Variants in C9orf72 observed in about 807,000 individuals in gnomAD.
C9orf72 encodes C9orf72-SMCR8 complex subunit.
A neutral mutation model predicts 51.6 loss-of-function variants in C9orf72; 44 were observed. The ratio of observed to expected loss-of-function variants is 0.85; its 90% CI spans 0.67 to 1.10. The LOEUF (loss-of-function observed/expected upper bound fraction) is 1.10. C9orf72 is among the 50% of genes least tolerant of loss of function. The pLI is 0.00. For synonymous variants in C9orf72, 213 were observed against 194.2 expected (o/e 1.10, Z -0.81); for missense variants, 607 against 570.6 (o/e 1.06, Z -0.65).
chr9:27,550,349 C>T (rs200965754), intron 9 of C9orf72, among the ~76,000 whole-genome samples: 1 of 151,754 alleles, frequency 6.6e-6, no homozygotes, highest in Non-Finnish European at 1.5e-5. Flanking sequence ...TTGTGGTCAA[C>T]TTTATATCTT....
chr9:27,556,700 T>C lies in C9orf72; in HGVS notation c.952A>G (p.Met318Val), dbSNP rs754395436. Residue 318 changes from methionine to valine, a missense_variant, in exon 8 of 11, where the codon ATG (methionine) becomes GTG (valine). By Grantham distance (21) the Met-to-Val change is conservative. Coordinates refer to ENST00000380003, the MANE Select transcript of C9orf72 (RefSeq NM_018325.5). ...TAAATATGTTCATGACAGGGTGGCA[T>C]CTGCTTCACAGTATTGACATCCACA... ...IDVDVNTVKQ[M>V]PPCHEHIYNQ... 37 of 1,613,874 alleles carry C rather than the reference T, an allele frequency of 2.3e-5. No individual in the cohort carries two copies. The highest frequency in any genetic ancestry group is 5.0e-5 in the Admixed American group (3 of 59,980).
At chr9:27,572,192 T>G (rs1819601302) in intron 1 of C9orf72, among the ~76,000 whole-genome samples, 1 of 152,238 alleles carries the variant, frequency 6.6e-6, no homozygotes, top group African/African-American at 2.4e-5. Flanking sequence ...AATGCTGGCT[T>G]AGTGAACAAT....
chr9:27,548,038 A>C lies in C9orf72; in HGVS notation c.*198T>G. The C allele has an allele frequency of 2.5e-6, 1 of 406,664 alleles. No individual in the cohort carries two copies. The highest frequency in any genetic ancestry group is 4.4e-6 in the Non-Finnish European group (1 of 229,802). 25.2% of individuals were successfully genotyped at this position (406,664 alleles called of 1,614,324 possible). A position where few individuals can be genotyped will look rare whatever the true frequency, so the allele number is the denominator to read the frequency against. On this transcript the variant is annotated 3_prime_UTR_variant, in exon 11 of 11. Coordinates refer to ENST00000380003, the MANE Select transcript of C9orf72 (RefSeq NM_018325.5). Reference sequence around the variant, plus strand: ...GTCTGTATCCCAAAAGCATAAATCTAGGAAAAGAGACACCCAATGTAATGA... The same window carrying C: ...GTCTGTATCCCAAAAGCATAAATCTCGGAAAAGAGACACCCAATGTAATGA...
rs1385898518 is a variant in C9orf72 at position 27,548,590 on chromosome 9, G to A, written c.1226C>T (p.Ala409Val). 3.7e-6 allele frequency: 6 copies of A among 1,609,950 alleles called. No individual in the cohort carries two copies. The highest frequency in any genetic ancestry group is 4.5e-5 in the East Asian group (2 of 44,848). The change falls in exon 10 of 11, where the codon GCC becomes GTC. Residue 409 changes from alanine (A) to valine (V), a missense_variant. Ala to Val is a moderately conservative substitution (Grantham distance 64, BLOSUM62 0). Coordinates refer to ENST00000380003, the MANE Select transcript of C9orf72 (RefSeq NM_018325.5). ...TTCTATATATTTTATTAGTGTCAAG[G>A]CTTTTCTGTGAAGGACAAGTAGAAA... ...AQFLLVLHRK[A>V]LTLIKYIEDD...
At chr9:27,559,821 G>C (rs972206042) in intron 6 of C9orf72, 1 of 153,960 alleles carries the variant, frequency 6.5e-6, no homozygotes, top group Non-Finnish European at 1.4e-5. Context: ...AGAAGGGACA[G>C]ATTTAGAAGG....
intron 1 of C9orf72, among the ~76,000 whole-genome samples, chr9:27,569,521 G>C (rs1364079400): frequency 6.6e-6 from 1 of 152,148 alleles, no homozygotes; most frequent in Admixed American, 6.5e-5. Flanking sequence ...ATAGTATTCA[G>C]TACAGTAACA....
chr9:27,567,611 T>C (rs1433304984), intron 1 of C9orf72, among the ~76,000 whole-genome samples: 1 of 152,040 alleles, frequency 6.6e-6, no homozygotes, highest in African/African-American at 2.4e-5. Context: ...CACTTGTGGG[T>C]TGAATTGTGT....
intron 8 of C9orf72, among the ~76,000 whole-genome samples, chr9:27,551,488 A>T (rs1820907988): frequency 6.6e-6 from 1 of 152,170 alleles, no homozygotes; most frequent in Non-Finnish European, 1.5e-5. Flanking sequence ...ACATTTAGTA[A>T]GAGGAGGAGT....
chr9:27,570,751 C>T (rs952044831), intron 1 of C9orf72, among the ~76,000 whole-genome samples: 1 of 152,026 alleles, frequency 6.6e-6, no homozygotes, highest in Non-Finnish European at 1.5e-5. Context: ...CCTGTAATCC[C>T]AGCTACTCGG....
intron 1 of C9orf72, among the ~76,000 whole-genome samples, chr9:27,570,640 T>C (rs1024313462): frequency 2.0e-5 from 3 of 151,422 alleles, no homozygotes; most frequent in African/African-American, 7.3e-5. Context: ...CCGAGGCAGG[T>C]GGATCACCTG....
Position 27,548,333 on chromosome 9 carries a change from G to C in C9orf72, c.1349C>G (p.Ala450Gly), listed in dbSNP as rs1223003458. ...GCCTGGTTTAATTTTCTCAGCCAGAGCCATTATTATGTTAAGATCGCCCTC... is the reference window on the plus strand; with the variant it reads ...GCCTGGTTTAATTTTCTCAGCCAGACCCATTATTATGTTAAGATCGCCCTC... Reference protein sequence around the residue: ...TAEGDLNIIMALAEKIKPGLH... With the variant: ...TAEGDLNIIMGLAEKIKPGLH... Residue 450 changes from alanine (A) to glycine (G), a missense_variant, in exon 11 of 11, where the codon GCT (alanine) becomes GGT (glycine). Physicochemically the swap from Ala to Gly is moderately conservative, Grantham distance 60. Coordinates refer to ENST00000380003, the MANE Select transcript of C9orf72 (RefSeq NM_018325.5). 1 of 1,606,198 alleles carries C rather than the reference G, an allele frequency of 6.2e-7. No individual in the cohort carries two copies. Among genetic ancestry groups the C allele is most frequent in the East Asian group, 2.2e-5 (1 of 44,574 alleles).
rs71492751 is a variant in C9orf72 at position 27,552,515 on chromosome 9, A to ATT, written c.1092-1810_1092-1809dup. Among the ~76,000 whole-genome samples, 550 of 105,604 alleles carry ATT rather than the reference A, an allele frequency of 5.2e-3. 21 individuals are homozygous for ATT. Among genetic ancestry groups the ATT allele is most frequent in the South Asian group, 0.019 (58 of 3,028 alleles). 69.3% of individuals were successfully genotyped at this position (105,604 alleles called of 152,430 possible). A position where few individuals can be genotyped will look rare whatever the true frequency, so the allele number is the denominator to read the frequency against. Reference sequence around the variant, plus strand: ...AGGTGCATGTCACCATACCAAGCTAATTTTTTTTTTTTTTTTTTTTTGTAG... The same window carrying ATT: ...AGGTGCATGTCACCATACCAAGCTAATTTTTTTTTTTTTTTTTTTTTTTGTAG... On this transcript the variant is annotated intron_variant, in intron 8 of 10. Coordinates refer to ENST00000380003, the MANE Select transcript of C9orf72 (RefSeq NM_018325.5).
rs536173666 is a variant in C9orf72, at chr9:27,567,604, T to G, written c.-44-440A>C. On this transcript the variant is annotated intron_variant, in intron 1 of 10. Coordinates refer to ENST00000380003, the MANE Select transcript of C9orf72 (RefSeq NM_018325.5). Reference sequence around the variant, plus strand: ...GAAAGGCTCAGCTAGAGACTGACACTTGTGGGTTGAATTGTGTCCCCCAAA... The same window carrying G: ...GAAAGGCTCAGCTAGAGACTGACACGTGTGGGTTGAATTGTGTCCCCCAAA... 5.0e-4 allele frequency among the ~76,000 whole-genome samples: 76 copies of G among 152,266 alleles called. 1 individual carries two copies. The highest frequency in any genetic ancestry group is 1.8e-3 in the African/African-American group (76 of 41,570).
At position 27,548,024 on chromosome 9, in the gene C9orf72, A is replaced by C. The variant is rs965243243; in HGVS notation, c.*212T>G. On this transcript the variant is annotated 3_prime_UTR_variant, in exon 11 of 11. Transcript: ENST00000380003. ...TATTGTAAACATAGGTCTGTATCCC[A>C]AAAGCATAAATCTAGGAAAAGAGAC... 1 of 388,298 alleles carries C rather than the reference A, an allele frequency of 2.6e-6. No individual in the cohort carries two copies. The highest frequency in any genetic ancestry group is 4.6e-6 in the Non-Finnish European group (1 of 218,626). 24.1% of individuals were successfully genotyped at this position (388,298 alleles called of 1,614,324 possible).
intron 9 of C9orf72, among the ~76,000 whole-genome samples, chr9:27,550,397 A>G (rs1820882497): frequency 6.6e-6 from 1 of 152,076 alleles, no homozygotes; most frequent in Non-Finnish European, 1.5e-5. Context: ...AATATTTATT[A>G]TATTGTAAAC....
intron 6 of C9orf72, chr9:27,559,532 T>C (rs958763440): frequency 6.6e-6 from 1 of 152,124 alleles, no homozygotes; most frequent in Non-Finnish European, 1.5e-5. Flanking sequence ...AAATTATGAA[T>C]ATCTTTGTAA....
chr9:27,551,015 T>G (rs1376209811), intron 8 of C9orf72, among the ~76,000 whole-genome samples: 3 of 152,042 alleles, frequency 2.0e-5, no homozygotes, highest in Non-Finnish European at 4.4e-5. Flanking sequence ...ATTTTACTAC[T>G]CTCATCTTTT....
intron 9 of C9orf72, among the ~76,000 whole-genome samples, chr9:27,549,772 T>A (rs1820868069): frequency 8.4e-6 from 1 of 119,424 alleles, no homozygotes; most frequent in African/African-American, 2.9e-5. Context: ...CAACCTCCCT[T>A]TCTCAAAAAA....
chr9:27,549,300 T>G (rs1321127451), intron 9 of C9orf72, among the ~76,000 whole-genome samples: 1 of 152,228 alleles, frequency 6.6e-6, no homozygotes, highest in Admixed American at 6.5e-5. Flanking sequence ...TCAAATAACA[T>G]TGAAGCTCCT....
Sources: allele counts gnomAD v4.1 joint callset (sites outside exome capture counted in the v4.1 genomes callset), GRCh38; gene constraint gnomAD v4.1.1; transcripts MANE v1.5; gene names NCBI Gene and HGNC (gene_info 2026-07-23, HGNC 2026-07-21).